SLC1A3: variants seen among roughly 807,000 people sequenced by gnomAD.
SLC1A3 encodes the protein excitatory amino acid transporter 1.
In SLC1A3, 21 loss-of-function variants were observed where a neutral mutation model predicts 48.1. That is an observed-to-expected ratio of 0.44 (90% CI 0.31 to 0.63). The LOEUF (loss-of-function observed/expected upper bound fraction) is 0.63, where lower values mean the gene tolerates loss of function less well. Ranked by LOEUF, SLC1A3 falls within the 20% of genes least tolerant of loss-of-function variation. The pLI is 0.08. For missense variants in SLC1A3, 546 were observed against 689.0 expected (o/e 0.79, Z 2.32); for synonymous variants, 239 against 251.4 (o/e 0.95, Z 0.47).
intron 2 of SLC1A3, among the ~76,000 whole-genome samples, chr5:36,627,061 A>G (rs1200508688): frequency 6.6e-6 from 1 of 152,190 alleles, no homozygotes; most frequent in Non-Finnish European, 1.5e-5. Context: ...AATATAATGT[A>G]AGGCAAACAA....
At chr5:36,675,674 C>T (rs1010877434) in intron 5 of SLC1A3, among the ~76,000 whole-genome samples, 2 of 152,048 alleles carry the variant, frequency 1.3e-5, no homozygotes, top group Non-Finnish European at 1.5e-5. Context: ...AAGGACCCAA[C>T]GGAATAAAGA....
At chr5:36,653,230 G>A (rs1321969652) in intron 3 of SLC1A3, among the ~76,000 whole-genome samples, 1 of 152,188 alleles carries the variant, frequency 6.6e-6, no homozygotes, top group Non-Finnish European at 1.5e-5. Flanking sequence ...CCCTCCCCAA[G>A]GAAATGGTTC....
chr5:36,642,176 T>C (rs1740641383), intron 3 of SLC1A3, among the ~76,000 whole-genome samples: 2 of 152,372 alleles, frequency 1.3e-5, no homozygotes, highest in South Asian at 2.1e-4. Flanking sequence ...GTTTAGCTTA[T>C]GGAAGGCAGA....
chr5:36,671,216 C>T lies in SLC1A3; in HGVS notation c.507C>T (p.Ala169=). The T allele has an allele frequency of 1.2e-6, 2 of 1,613,222 alleles. No individual in the cohort carries two copies. The highest frequency in any genetic ancestry group is 1.7e-6 in the Non-Finnish European group (2 of 1,179,344). Residue 169 remains alanine, a synonymous_variant, in exon 4 of 10, where the codon GCC becomes GCT. Transcript: ENST00000265113. The part of the protein sequence containing the change: ...GKIVRVTAAD[A]FLDLIRNMFP... ...TTGTACGAGTGACAGCTGCAGATGC[C>T]TTCCTGGACTTGATCAGGTATGTCC...
chr5:36,657,115 T>C (rs1307372778), intron 3 of SLC1A3, among the ~76,000 whole-genome samples: 1 of 152,220 alleles, frequency 6.6e-6, no homozygotes, highest in Non-Finnish European at 1.5e-5. Context: ...CATTCCTATC[T>C]AGAGGGGAAG....
chr5:36,678,192 T>C (rs913502327), intron 6 of SLC1A3, among the ~76,000 whole-genome samples: 3 of 152,198 alleles, frequency 2.0e-5, no homozygotes, highest in African/African-American at 7.2e-5. Context: ...ACCAACATGA[T>C]TAAAAATGCC....
chr5:36,687,910 A>G lies in SLC1A3; in HGVS notation c.*1641A>G, dbSNP rs1266093057. On this transcript the variant is annotated 3_prime_UTR_variant, in exon 10 of 10. Coordinates refer to ENST00000265113, the MANE Select transcript of SLC1A3 (RefSeq NM_004172.5). ...CAGCTGTGTTTGAGTTTCTGGCTGAAAATGGTGAAGAATGGACTTAATTAT... is the reference window on the plus strand; with the variant it reads ...CAGCTGTGTTTGAGTTTCTGGCTGAGAATGGTGAAGAATGGACTTAATTAT... The G allele has an allele frequency of 6.6e-6, 1 of 152,576 alleles. No homozygotes were observed. Among genetic ancestry groups the G allele is most frequent in the Non-Finnish European group, 1.5e-5 (1 of 68,038 alleles). The allele number at this position is 152,576 out of a possible 1,614,324, so 9.5% of individuals were successfully genotyped here.
chr5:36,635,290 G>A (rs1270185695), intron 3 of SLC1A3, among the ~76,000 whole-genome samples: 5 of 152,146 alleles, frequency 3.3e-5, no homozygotes, highest in Non-Finnish European at 1.5e-5. Context: ...GAGGATTTAT[G>A]CCTGGCACAT....
upstream of SLC1A3, among the ~76,000 whole-genome samples, chr5:36,606,111 T>C (rs1342072875): frequency 6.6e-6 from 1 of 152,234 alleles, no homozygotes; most frequent in Non-Finnish European, 1.5e-5. Context: ...ATTTAGAGAA[T>C]CGTAGTAAGC....
chr5:36,676,913 A>T lies in SLC1A3; in HGVS notation c.589A>T (p.Arg197Ter). The T allele has an allele frequency of 6.2e-7, 1 of 1,613,654 alleles. No individual in the cohort carries two copies. Among genetic ancestry groups the T allele is most frequent in the East Asian group, 2.2e-5 (1 of 44,870 alleles). ...FKQFKTNYEK[R>*]SFKVPIQANE... ...TAAGTTTAAAACCAACTATGAGAAG[A>T]GAAGCTTTAAAGTGCCCATCCAGGC... Residue 197 changes from arginine (R) to a stop codon, truncating the protein, a stop_gained, in exon 6 of 10, where the codon AGA becomes TGA. Coordinates refer to ENST00000265113, the MANE Select transcript of SLC1A3 (RefSeq NM_004172.5). LOFTEE classifies it high-confidence loss of function.
chr5:36,611,595 G>T (rs1377429521), intron 2 of SLC1A3, among the ~76,000 whole-genome samples: 1 of 152,160 alleles, frequency 6.6e-6, no homozygotes, highest in East Asian at 1.9e-4. Flanking sequence ...AAAAGCTCAT[G>T]TAACAAGAGC....
At chr5:36,601,035 C>A (rs887864107) in intron 1 of SLC1A3, among the ~76,000 whole-genome samples, 1 of 152,164 alleles carries the variant, frequency 6.6e-6, no homozygotes, top group African/African-American at 2.4e-5. Context: ...TAAACAATAC[C>A]CAGACCTCCT....
At chr5:36,659,702 T>C (rs751010534) in intron 3 of SLC1A3, among the ~76,000 whole-genome samples, 5 of 152,210 alleles carry the variant, frequency 3.3e-5, no homozygotes, top group Non-Finnish European at 2.9e-5. Flanking sequence ...TTTGATGTGT[T>C]TTATTTGTTT....
At chr5:36,660,762 AAAAC>A (rs544949506) in intron 3 of SLC1A3, among the ~76,000 whole-genome samples, 1 of 152,258 alleles carries the variant, frequency 6.6e-6, no homozygotes, top group Non-Finnish European at 1.5e-5. Context: ...TCTTTTAGAT[AAAAC>A]AACCAATGAG....
At chr5:36,650,518 G>T (rs1490044674) in intron 3 of SLC1A3, among the ~76,000 whole-genome samples, 3 of 152,114 alleles carry the variant, frequency 2.0e-5, no homozygotes, top group African/African-American at 7.2e-5. Flanking sequence ...TCTATCACCA[G>T]CTTTATCTCT....
chr5:36,639,404 G>A (rs1323909423), intron 3 of SLC1A3, among the ~76,000 whole-genome samples: 9 of 152,128 alleles, frequency 5.9e-5, no homozygotes, highest in East Asian at 1.9e-4. Context: ...TTATGAAAAC[G>A]GAATCATATG....
intron 3 of SLC1A3, chr5:36,668,934 A>G (rs1450764358): frequency 2.0e-5 from 3 of 151,574 alleles, no homozygotes; most frequent in Non-Finnish European, 4.4e-5. Flanking sequence ...ACCACTTAGC[A>G]CTCTCTCCGA....
At chr5:36,644,463 T>C (rs142289537) in intron 3 of SLC1A3, among the ~76,000 whole-genome samples, 161 of 152,368 alleles carry the variant, frequency 1.1e-3, no homozygotes, top group African/African-American at 3.8e-3. Flanking sequence ...TCTTTAGTTG[T>C]AGTGAATAAA....
At chr5:36,626,951 G>A (rs1739928502) in intron 2 of SLC1A3, among the ~76,000 whole-genome samples, 1 of 152,074 alleles carries the variant, frequency 6.6e-6, no homozygotes, top group African/African-American at 2.4e-5. Flanking sequence ...AAACTTGTGA[G>A]GGGGGAGGGA....
Sources: allele counts gnomAD v4.1 joint callset (sites outside exome capture counted in the v4.1 genomes callset), GRCh38; gene constraint gnomAD v4.1.1; transcripts MANE v1.5; gene names NCBI Gene and HGNC (gene_info 2026-07-23, HGNC 2026-07-21).